MEMO1: variants seen among roughly 807,000 people sequenced by gnomAD.
The protein encoded by MEMO1 is mediator of cell motility 1.
Under a neutral mutation model 45.2 loss-of-function variants are expected in MEMO1, and 6 were observed. The ratio of observed to expected loss-of-function variants is 0.13; its 90% CI spans 0.07 to 0.26. The LOEUF is 0.26. Ranked by LOEUF, MEMO1 falls within the 10% of genes least tolerant of loss-of-function variation. The pLI, the probability that MEMO1 is intolerant of heterozygous loss-of-function variation, is 1.00. For synonymous variants in MEMO1, 78 were observed against 124.3 expected (o/e 0.63, Z 2.48); for missense variants, 184 against 370.5 (o/e 0.50, Z 4.13).
chr2:31,886,280 T>C (rs1676177561), intron 7 of MEMO1, among the ~76,000 whole-genome samples: 1 of 152,216 alleles, frequency 6.6e-6, no homozygotes, highest in South Asian at 2.1e-4. Context: ...CGTCTCATGG[T>C]AATTTTTAAA....
chr2:32,001,998 T>C (rs937543895), intron 2 of MEMO1, among the ~76,000 whole-genome samples: 3 of 151,294 alleles, frequency 2.0e-5, no homozygotes, highest in South Asian at 4.2e-4. Context: ...TACAAAAAAT[T>C]AGCCGAGTGT....
intron 6 of MEMO1, among the ~76,000 whole-genome samples, chr2:31,901,002 GA>G (rs1225673216): frequency 1.3e-5 from 2 of 152,224 alleles, no homozygotes; most frequent in African/African-American, 4.8e-5. Flanking sequence ...CCAAAAACTG[GA>G]AATGTTCAAT....
At chr2:31,939,130 C>T (rs1665306770) in intron 3 of MEMO1, among the ~76,000 whole-genome samples, 1 of 151,040 alleles carries the variant, frequency 6.6e-6, no homozygotes, top group African/African-American at 2.4e-5. Flanking sequence ...AAAAGATAGC[C>T]TTGGAAAGGA....
chr2:32,009,186 G>A (rs1057412083), intron 2 of MEMO1, among the ~76,000 whole-genome samples: 9 of 152,222 alleles, frequency 5.9e-5, no homozygotes, highest in Non-Finnish European at 1.2e-4. Context: ...AGACAGTGGA[G>A]ACAGAAAACT....
intron 2 of MEMO1, among the ~76,000 whole-genome samples, chr2:31,963,836 T>C (rs952271179): frequency 9.9e-5 from 15 of 152,218 alleles, no homozygotes; most frequent in African/African-American, 3.4e-4. Flanking sequence ...CACATACTGC[T>C]ACTGGGTACT....
intron 3 of MEMO1, among the ~76,000 whole-genome samples, chr2:31,937,216 A>G (rs1012581309): frequency 2.6e-5 from 4 of 152,220 alleles, no homozygotes; most frequent in African/African-American, 4.8e-5. Context: ...TTGTGCCCAA[A>G]AAAGTCCAAG....
intron 6 of MEMO1, among the ~76,000 whole-genome samples, chr2:31,915,386 C>T (rs559336726): frequency 1.3e-5 from 2 of 152,244 alleles, no homozygotes; most frequent in African/African-American, 4.8e-5. Context: ...ATACATGCTA[C>T]TCCTCCCATC....
In MEMO1 at chr2:31,935,499, G is replaced by A. The variant is rs150848163; in HGVS notation, c.144-3364C>T. 8.4e-3 allele frequency among the ~76,000 whole-genome samples: 1,275 copies of A among 152,126 alleles called. 18 individuals are homozygous for A. Among genetic ancestry groups the A allele is most frequent in the Non-Finnish European group, 0.013 (863 of 67,996 alleles). On this transcript the variant is annotated intron_variant, in intron 3 of 9. Transcript: ENST00000404530. ...AGACAAGACAGTTACAGGGAGAGAA[G>A]GAGAGTCTTAAGTTGAAAAGGTCTT...
At chr2:31,984,103 C>T (rs1206501835) in intron 2 of MEMO1, among the ~76,000 whole-genome samples, 1 of 152,140 alleles carries the variant, frequency 6.6e-6, no homozygotes, top group Non-Finnish European at 1.5e-5. Context: ...ATTTCCTCAT[C>T]CAAAGTGTGG....
chr2:31,968,358 T>C (rs1668879790), intron 2 of MEMO1, among the ~76,000 whole-genome samples: 2 of 152,206 alleles, frequency 1.3e-5, no homozygotes, highest in African/African-American at 2.4e-5. Flanking sequence ...TACACCCAAG[T>C]GGGGCTGACT....
intron 3 of MEMO1, among the ~76,000 whole-genome samples, chr2:31,936,505 T>C (rs1307435543): frequency 1.3e-5 from 2 of 152,222 alleles, no homozygotes; most frequent in Non-Finnish European, 2.9e-5. Flanking sequence ...CGTCGGCAAG[T>C]CTAGTTCCTG....
At chr2:31,964,425 G>A (rs1339661982) in intron 2 of MEMO1, among the ~76,000 whole-genome samples, 3 of 152,136 alleles carry the variant, frequency 2.0e-5, no homozygotes, top group African/African-American at 7.2e-5. Flanking sequence ...GGCCGGGTGC[G>A]GTGGCTCACG....
At position 31,936,838 on chromosome 2, in the gene MEMO1, A is replaced by C. The variant is rs562533418; in HGVS notation, c.144-4703T>G. On this transcript the variant is annotated intron_variant, in intron 3 of 9. Transcript: ENST00000404530. ...AGGAATACTTAACTAAGATTCAACA[A>C]AGTCAGGTCCAATAGTCCTAGTTCT... Among the ~76,000 whole-genome samples, 35 of 152,332 alleles carry C rather than the reference A, an allele frequency of 2.3e-4. 1 individual carries two copies. The South Asian group carries it at 7.3e-3, about 32-fold the overall frequency.
At chr2:31,983,505 G>T (rs1670906951) in intron 2 of MEMO1, among the ~76,000 whole-genome samples, 1 of 152,026 alleles carries the variant, frequency 6.6e-6, no homozygotes, top group Non-Finnish European at 1.5e-5. Context: ...CACAATCTCG[G>T]CTCACTGCGA....
chr2:31,937,760 A>G (rs2148290559), intron 3 of MEMO1, among the ~76,000 whole-genome samples: 1 of 152,332 alleles, frequency 6.6e-6, no homozygotes, highest in East Asian at 1.9e-4. Context: ...TTTTAAATGT[A>G]TAAGGGGGGC....
intron 8 of MEMO1, among the ~76,000 whole-genome samples, chr2:31,879,784 T>C (rs898924230): frequency 5.3e-4 from 80 of 152,318 alleles, no homozygotes; most frequent in African/African-American, 1.8e-3. Flanking sequence ...ACACTTCAAA[T>C]ACTCAATAAA....
chr2:31,961,958 C>T (rs1163878951), intron 2 of MEMO1, among the ~76,000 whole-genome samples: 3 of 151,978 alleles, frequency 2.0e-5, no homozygotes, highest in South Asian at 2.1e-4. Context: ...AGCATGCTGA[C>T]GACTCTAAGA....
chr2:31,995,073 C>T (rs1357797723), intron 2 of MEMO1, among the ~76,000 whole-genome samples: 1 of 152,038 alleles, frequency 6.6e-6, no homozygotes, highest in East Asian at 1.9e-4. Context: ...TCACTATACC[C>T]AGACCCAGAA....
At chr2:31,918,300 GTA>G (rs142705357) in intron 5 of MEMO1, among the ~76,000 whole-genome samples, 241 of 152,182 alleles carry the variant, frequency 1.6e-3, no homozygotes, top group Admixed American at 4.0e-3. Context: ...CTCATCATTT[GTA>G]TATGTTACAT....
Sources: gnomAD v4.1 joint callset for allele counts (sites outside exome capture counted in the v4.1 genomes callset) on GRCh38, gnomAD v4.1.1 for gene constraint, MANE v1.5 for transcripts, NCBI Gene and HGNC (gene_info 2026-07-23, HGNC 2026-07-21) for gene names.